The following DLG2 variants were observed in gnomAD, a reference collection of about 807,000 sequenced individuals.
DLG2 encodes discs large MAGUK scaffold protein 2.
Under a neutral mutation model 132.5 loss-of-function variants are expected in DLG2, and 45 were observed. The observed-to-expected ratio is 0.34, with a 90% confidence interval of 0.27 to 0.44. DLG2 has a LOEUF of 0.44. Among genes scored for constraint, DLG2 ranks in the 20% least tolerant of loss-of-function variants. DLG2 has a pLI of 1.00. For synonymous variants in DLG2, 424 were observed against 419.6 expected, an observed-to-expected ratio of 1.01 and a Z score of -0.13; for missense variants, 1,045 against 1,196.9, an observed-to-expected ratio of 0.87 and a Z score of 1.87.
At chr11:84,008,900 T>C (rs1337149906) in intron 11 of DLG2, among the ~76,000 whole-genome samples, 1 of 151,260 alleles carries the variant, frequency 6.6e-6, no homozygotes, top group African/African-American at 2.4e-5. Context: ...CTAGTGTCTG[T>C]CTTTATCTAC....
At chr11:84,486,095 C>T (rs560082021) in intron 7 of DLG2, among the ~76,000 whole-genome samples, 3 of 152,178 alleles carry the variant, frequency 2.0e-5, no homozygotes, top group African/African-American at 7.2e-5. Context: ...TAATTATATA[C>T]CCCTGTCACC....
chr11:84,310,792 G>A (rs921234393), intron 7 of DLG2, among the ~76,000 whole-genome samples: 1 of 152,200 alleles, frequency 6.6e-6, no homozygotes, highest in African/African-American at 2.4e-5. Context: ...TTCTGGCTGA[G>A]CATAAACTGA....
intron 18 of DLG2, among the ~76,000 whole-genome samples, chr11:83,704,671 AAAAAT>A (rs1441116777): frequency 6.6e-6 from 1 of 150,846 alleles, no homozygotes; most frequent in African/African-American, 2.4e-5. Context: ...AAAAAAAAAA[AAAAAT>A]ATTAGCTGGG....
chr11:83,772,969 C>T (rs1405276608), intron 18 of DLG2, among the ~76,000 whole-genome samples: 2 of 152,124 alleles, frequency 1.3e-5, no homozygotes, highest in African/African-American at 2.4e-5. Flanking sequence ...ATTTTTGAAC[C>T]CACATATTAT....
intron 18 of DLG2, among the ~76,000 whole-genome samples, chr11:83,778,487 A>C (rs1355102617): frequency 1.3e-5 from 2 of 152,182 alleles, no homozygotes; most frequent in Admixed American, 6.5e-5. Context: ...TCAAAGATAA[A>C]TATACTTTAT....
chr11:83,994,048 C>T (rs186775561), intron 11 of DLG2, among the ~76,000 whole-genome samples: 36 of 152,168 alleles, frequency 2.4e-4, no homozygotes, highest in African/African-American at 6.7e-4. Flanking sequence ...TCCTCCTAGT[C>T]GCCACTCCTT....
At chr11:85,232,913 G>A (rs138503424) in intron 4 of DLG2, among the ~76,000 whole-genome samples, 587 of 151,950 alleles carry the variant, frequency 3.9e-3, no homozygotes, top group Non-Finnish European at 6.4e-3. Context: ...TTTATTTGGT[G>A]ACCCAGATGA....
intron 7 of DLG2, among the ~76,000 whole-genome samples, chr11:84,533,726 C>A (rs7929161): frequency 0.88 from 134,115 of 151,896 alleles, 59,292 homozygotes; most frequent in East Asian, 0.95. Context: ...TGAATGTTCT[C>A]GGTGATGAAA....
chr11:85,530,330 T>TA (rs1214550977), intron 3 of DLG2, among the ~76,000 whole-genome samples: 2 of 150,360 alleles, frequency 1.3e-5, no homozygotes, highest in Non-Finnish European at 3.0e-5. Context: ...TTTATTTATT[T>TA]TTTTTTTTGA....
rs1339184431 is a variant in DLG2, at chr11:84,507,230, TCA to T, written c.519+27338_519+27339del. Among the ~76,000 whole-genome samples the T allele has an allele frequency of 3.9e-5, 6 of 152,274 alleles. No individual in the cohort carries two copies. In the East Asian group the frequency reaches 1.2e-3, roughly 29 times the overall value. ...AATATAATTCCTACCTTCAAGGAGTTCACAGTTTAAGGGAGAAACAGTTAAAA... is the reference window on the plus strand; with the variant it reads ...AATATAATTCCTACCTTCAAGGAGTTCAGTTTAAGGGAGAAACAGTTAAAA... On this transcript the variant is annotated intron_variant, in intron 7 of 27. Transcript: ENST00000376104.
intron 9 of DLG2, among the ~76,000 whole-genome samples, chr11:84,135,879 T>G (rs576861790): frequency 3.9e-5 from 6 of 152,076 alleles, no homozygotes; most frequent in Non-Finnish European, 8.8e-5. Context: ...GACTTAAGCC[T>G]GGGACATAAA....
chr11:83,511,759 T>G (rs574367829), intron 21 of DLG2, among the ~76,000 whole-genome samples: 5 of 149,420 alleles, frequency 3.3e-5, no homozygotes, highest in African/African-American at 1.2e-4. Flanking sequence ...AGCCAGGGTC[T>G]CATTATGTTG....
intron 4 of DLG2, among the ~76,000 whole-genome samples, chr11:85,177,473 G>A (rs2079374058): frequency 6.6e-6 from 1 of 152,092 alleles, no homozygotes; most frequent in East Asian, 1.9e-4. Context: ...TGAATGATGA[G>A]AACACATGGA....
At chr11:84,547,691 C>T (rs1221410045) in intron 6 of DLG2, among the ~76,000 whole-genome samples, 1 of 152,092 alleles carries the variant, frequency 6.6e-6, no homozygotes. Flanking sequence ...TTCTGTGCTC[C>T]CATGTCTGAC....
intron 6 of DLG2, among the ~76,000 whole-genome samples, chr11:84,573,948 T>C (rs2099492159): frequency 6.6e-6 from 1 of 152,202 alleles, no homozygotes; most frequent in Non-Finnish European, 1.5e-5. Flanking sequence ...ATTCATAGAA[T>C]ATGTTAGCCT....
chr11:84,191,762 T>C (rs932704111), intron 8 of DLG2, among the ~76,000 whole-genome samples: 1 of 152,162 alleles, frequency 6.6e-6, no homozygotes, highest in African/African-American at 2.4e-5. Context: ...CTGCATACAG[T>C]CTGTTACGCA....
chr11:84,170,202 C>A (rs914296399), intron 8 of DLG2, among the ~76,000 whole-genome samples: 1 of 152,164 alleles, frequency 6.6e-6, no homozygotes, highest in African/African-American at 2.4e-5. Context: ...TATGGGCAGC[C>A]CCTAACAACA....
intron 6 of DLG2, among the ~76,000 whole-genome samples, chr11:84,582,220 T>G (rs1440697523): frequency 6.6e-6 from 1 of 151,474 alleles, no homozygotes; most frequent in Non-Finnish European, 1.5e-5. Flanking sequence ...GTAATAAAAA[T>G]TATACTTTAG....
chr11:85,579,125 A>C (rs952805058), intron 3 of DLG2, among the ~76,000 whole-genome samples: 2 of 152,184 alleles, frequency 1.3e-5, no homozygotes, highest in African/African-American at 4.8e-5. Flanking sequence ...TAGCAAACTA[A>C]TGCAGGAACA....
Sources: allele counts gnomAD v4.1 joint callset (sites outside exome capture counted in the v4.1 genomes callset), GRCh38; gene constraint gnomAD v4.1.1; transcripts MANE v1.5; gene names NCBI Gene and HGNC (gene_info 2026-07-23, HGNC 2026-07-21).